Variants in FBXW7 observed in about 807,000 individuals in gnomAD.
FBXW7 encodes F-box and WD repeat domain containing 7.
In FBXW7, 11 loss-of-function variants were observed where a neutral mutation model predicts 86.3. The observed-to-expected ratio is 0.13, with a 90% confidence interval of 0.08 to 0.21. FBXW7 has a LOEUF of 0.21. FBXW7 is among the 10% of genes least tolerant of loss of function. The pLI is 1.00. For synonymous variants in FBXW7, 313 were observed against 297.9 expected, an observed-to-expected ratio of 1.05 and a Z score of -0.52; for missense variants, 488 against 847.4, an observed-to-expected ratio of 0.58 and a Z score of 5.27.
chr4:152,512,092 C>A (rs996889917), intron 2 of FBXW7, among the ~76,000 whole-genome samples: 2 of 151,902 alleles, frequency 1.3e-5, no homozygotes, highest in African/African-American at 4.8e-5. Flanking sequence ...TTCAATGGAC[C>A]AAGGCAGAAA....
rs573596877 is a variant in FBXW7, at chr4:152,352,997, G to C, written c.502-2873C>G. ...GAACAGAGGGAGGATGTGGGCAGCA[G>C]AGACCGCCCCCACACGACAGCCCCC... is the stretch of plus-strand genomic sequence containing the variant. On this transcript the variant is annotated intron_variant, in intron 4 of 13. Coordinates refer to ENST00000281708, the MANE Select transcript of FBXW7 (RefSeq NM_001349798.2). 2.1e-5 allele frequency: 26 copies of C among 1,256,996 alleles called. No individual in the cohort carries two copies. In the African/African-American group the frequency reaches 3.9e-4, roughly 19 times the overall value. The allele number at this position is 1,256,996 out of a possible 1,614,324, so 77.9% of individuals were successfully genotyped here.
chr4:152,468,946 T>C lies in FBXW7; in HGVS notation c.-119-56417A>G, dbSNP rs1245229126. On this transcript the variant is annotated intron_variant, in intron 2 of 13. Coordinates refer to ENST00000281708, the MANE Select transcript of FBXW7 (RefSeq NM_001349798.2). ...TAAAAATCTGTTTAAGAGATCTCTGTGGCATCATTTGCTCCTAAAAGTATT... is the reference window on the plus strand; with the variant it reads ...TAAAAATCTGTTTAAGAGATCTCTGCGGCATCATTTGCTCCTAAAAGTATT... 2.6e-5 allele frequency among the ~76,000 whole-genome samples: 4 copies of C among 152,178 alleles called. No individual in the cohort carries two copies. In the East Asian group the frequency reaches 5.8e-4, roughly 22 times the overall value.
intron 4 of FBXW7, among the ~76,000 whole-genome samples, chr4:152,356,084 C>T (rs1344895728): frequency 6.6e-6 from 1 of 152,132 alleles, no homozygotes; most frequent in Non-Finnish European, 1.5e-5. Context: ...GAGTACTTTA[C>T]CTCACCTTGA....
intron 2 of FBXW7, among the ~76,000 whole-genome samples, chr4:152,516,242 C>T (rs1334757300): frequency 6.6e-6 from 1 of 152,222 alleles, no homozygotes; most frequent in Non-Finnish European, 1.5e-5. Flanking sequence ...TGGTCCGTGG[C>T]CTGTTAGAAA....
At chr4:152,361,585 GA>G (rs1364819437) in intron 4 of FBXW7, among the ~76,000 whole-genome samples, 1 of 152,118 alleles carries the variant, frequency 6.6e-6, no homozygotes, top group African/African-American at 2.4e-5. Context: ...CATTCTCATA[GA>G]AATATTTTAT....
intron 2 of FBXW7, among the ~76,000 whole-genome samples, chr4:152,521,881 C>T (rs539183604): frequency 2.2e-5 from 3 of 137,656 alleles, no homozygotes; most frequent in South Asian, 2.3e-4. Flanking sequence ...TGCAATGGCG[C>T]GATCTCAGCT....
intron 2 of FBXW7, among the ~76,000 whole-genome samples, chr4:152,483,754 C>T (rs1403775764): frequency 6.6e-6 from 1 of 151,808 alleles, no homozygotes; most frequent in East Asian, 1.9e-4. Context: ...TGTGTGTGTG[C>T]ACACACACAC....
rs542613226 is a variant in FBXW7, at chr4:152,433,745, A to G, written c.-119-21216T>C. Among the ~76,000 whole-genome samples the G allele has an allele frequency of 9.2e-5, 14 of 152,342 alleles. No individual in the cohort carries two copies. In the South Asian group the frequency reaches 2.9e-3, roughly 32 times the overall value. On this transcript the variant is annotated intron_variant, in intron 2 of 13. Transcript: ENST00000281708. ...TTCAGTCTTGAACTTCAGCAAACAGAAATATCCATAACAATTTAAAATGGA... is the reference window on the plus strand; with the variant it reads ...TTCAGTCTTGAACTTCAGCAAACAGGAATATCCATAACAATTTAAAATGGA...
At chr4:152,529,285 A>G (rs1463215602) in intron 2 of FBXW7, among the ~76,000 whole-genome samples, 1 of 152,212 alleles carries the variant, frequency 6.6e-6, no homozygotes, top group Non-Finnish European at 1.5e-5. Flanking sequence ...TTTCCAAATA[A>G]ATAGGGAAAG....
chr4:152,453,420 T>C (rs1262927383), intron 2 of FBXW7, among the ~76,000 whole-genome samples: 5 of 152,124 alleles, frequency 3.3e-5, no homozygotes, highest in African/African-American at 1.2e-4. Flanking sequence ...ATTCAGTCTA[T>C]TCAGTCACCC....
At chr4:152,522,828 G>A (rs1749148962) in intron 2 of FBXW7, among the ~76,000 whole-genome samples, 1 of 152,216 alleles carries the variant, frequency 6.6e-6, no homozygotes, top group South Asian at 2.1e-4. Flanking sequence ...TAAAGAAACC[G>A]AGGGAGGTTA....
chr4:152,477,144 A>C (rs1382761022), intron 2 of FBXW7, among the ~76,000 whole-genome samples: 2 of 152,072 alleles, frequency 1.3e-5, no homozygotes, highest in Non-Finnish European at 2.9e-5. Context: ...CAGGAGTCTC[A>C]TATCTTTAAC....
At chr4:152,458,202 T>C (rs936301979) in intron 2 of FBXW7, among the ~76,000 whole-genome samples, 7 of 151,952 alleles carry the variant, frequency 4.6e-5, no homozygotes, top group Admixed American at 6.6e-5. Context: ...GTATTTTTAG[T>C]AGAGATGGGG....
At chr4:152,393,528 T>C (rs1736167574) in intron 4 of FBXW7, among the ~76,000 whole-genome samples, 1 of 152,098 alleles carries the variant, frequency 6.6e-6, no homozygotes, top group African/African-American at 2.4e-5. Context: ...CTCAGTATAT[T>C]TAAGTTTTTC....
chr4:152,337,618 A>G (rs924739414), intron 7 of FBXW7, 184 bp downstream of exon 7: 9 of 522,372 alleles, frequency 1.7e-5, no homozygotes, highest in Non-Finnish European at 2.6e-5. Flanking sequence ...TGCATTCTTT[A>G]ATCTGACAAT....
rs571774032 is a variant in FBXW7 at position 152,414,099 on chromosome 4, C to T, written c.-119-1570G>A. On this transcript the variant is annotated intron_variant, in intron 2 of 13. Transcript: ENST00000281708. Reference sequence around the variant, plus strand: ...TGATCAATGCATAACCTTTTTTATGCGTGTTTCTGCCTAAATATATCTTTA... The same window carrying T: ...TGATCAATGCATAACCTTTTTTATGTGTGTTTCTGCCTAAATATATCTTTA... Among the ~76,000 whole-genome samples, 6 of 152,208 alleles carry T rather than the reference C, an allele frequency of 3.9e-5. No homozygotes were observed. The South Asian group carries it at 1.0e-3, about 26-fold the overall frequency.
At chr4:152,439,036 C>A (rs904558862) in intron 2 of FBXW7, among the ~76,000 whole-genome samples, 7 of 152,134 alleles carry the variant, frequency 4.6e-5, no homozygotes, top group Non-Finnish European at 7.4e-5. Flanking sequence ...GTTTTAAAGC[C>A]AGCAGGGACA....
chr4:152,515,838 T>C (rs1259872493), intron 2 of FBXW7, among the ~76,000 whole-genome samples: 1 of 151,948 alleles, frequency 6.6e-6, no homozygotes, highest in African/African-American at 2.4e-5. Context: ...TCCTTAGTCA[T>C]ACATAAAGTA....
At chr4:152,363,757 G>T (rs1406264472) in intron 4 of FBXW7, among the ~76,000 whole-genome samples, 1 of 151,978 alleles carries the variant, frequency 6.6e-6, no homozygotes, top group Admixed American at 6.6e-5. Context: ...TCAATGAAAC[G>T]GTTTAACAAC....
Sources: gnomAD v4.1 joint callset for allele counts (sites outside exome capture counted in the v4.1 genomes callset) on GRCh38, gnomAD v4.1.1 for gene constraint, MANE v1.5 for transcripts, NCBI Gene and HGNC (gene_info 2026-07-23, HGNC 2026-07-21) for gene names.